Variants in EXOC4 observed in about 807,000 individuals in gnomAD.
The protein encoded by EXOC4 is SEC8-like 1.
Under a neutral mutation model 107.2 loss-of-function variants are expected in EXOC4, and 71 were observed. That is an observed-to-expected ratio of 0.66 (90% CI 0.55 to 0.81). EXOC4 has a LOEUF of 0.81. Among genes scored for constraint, EXOC4 ranks in the 30% least tolerant of loss-of-function variants. The probability of loss-of-function intolerance (pLI) is 0.00; values close to 1 mark genes in which losing one functional copy is unlikely to be tolerated. For synonymous variants in EXOC4, 456 were observed against 441.2 expected (o/e 1.03, Z -0.42); for missense variants, 1,108 against 1,189.6 (o/e 0.93, Z 1.01).
intron 10 of EXOC4, among the ~76,000 whole-genome samples, chr7:133,688,262 G>A (rs2014050): frequency 0.97 from 147,716 of 152,314 alleles, 71,793 homozygotes; most frequent in East Asian, 1. Flanking sequence ...GGCACACAGT[G>A]CATGGAATAG....
At chr7:133,913,754 A>G (rs1353794082) in intron 12 of EXOC4, among the ~76,000 whole-genome samples, 1 of 152,160 alleles carries the variant, frequency 6.6e-6, no homozygotes, top group Non-Finnish European at 1.5e-5. Flanking sequence ...GCAGACTGGA[A>G]ACTTAGAAGA....
intron 14 of EXOC4, among the ~76,000 whole-genome samples, chr7:133,990,711 C>T (rs888265964): frequency 2.0e-5 from 3 of 152,200 alleles, no homozygotes; most frequent in Admixed American, 1.3e-4. Context: ...ACCTCGGCCT[C>T]CTGAAGCGCT....
At chr7:133,784,189 T>C (rs1796523290) in intron 10 of EXOC4, among the ~76,000 whole-genome samples, 1 of 152,176 alleles carries the variant, frequency 6.6e-6, no homozygotes, top group African/African-American at 2.4e-5. Context: ...TATCATCATC[T>C]CTTACTAGGC....
intron 10 of EXOC4, among the ~76,000 whole-genome samples, chr7:133,671,513 G>A (rs1441752284): frequency 6.6e-6 from 1 of 152,164 alleles, no homozygotes; most frequent in Non-Finnish European, 1.5e-5. Flanking sequence ...GTTGCAGTGA[G>A]CCAAGTTCAC....
At chr7:133,979,092 A>T (rs1267455232) in intron 14 of EXOC4, among the ~76,000 whole-genome samples, 1 of 152,154 alleles carries the variant, frequency 6.6e-6, no homozygotes, top group Non-Finnish European at 1.5e-5. Flanking sequence ...TTCCAAAATA[A>T]TCCTGATTCA....
At chr7:133,406,848 T>G (rs1797232000) in intron 7 of EXOC4, among the ~76,000 whole-genome samples, 1 of 152,202 alleles carries the variant, frequency 6.6e-6, no homozygotes, top group African/African-American at 2.4e-5. Flanking sequence ...ATTACTATAG[T>G]CCTCCACTTG....
chr7:133,728,431 A>G (rs1040877902), intron 10 of EXOC4, among the ~76,000 whole-genome samples: 1 of 152,340 alleles, frequency 6.6e-6, no homozygotes, highest in East Asian at 1.9e-4. Flanking sequence ...ACTGTAGATA[A>G]CATTGAGAGT....
At chr7:133,942,913 A>G (rs1157903130) in intron 14 of EXOC4, among the ~76,000 whole-genome samples, 1 of 152,050 alleles carries the variant, frequency 6.6e-6, no homozygotes, top group East Asian at 1.9e-4. Context: ...GCCACTCTCT[A>G]TTTTTGTTTT....
At chr7:133,851,018 G>A (rs1367921625) in intron 11 of EXOC4, among the ~76,000 whole-genome samples, 1 of 152,038 alleles carries the variant, frequency 6.6e-6, no homozygotes, top group East Asian at 1.9e-4. Flanking sequence ...CTTTCCCCTG[G>A]AAAATGTCCA....
intron 6 of EXOC4, among the ~76,000 whole-genome samples, chr7:133,368,672 TC>T (rs1156585214): frequency 6.6e-6 from 1 of 152,200 alleles, no homozygotes; most frequent in East Asian, 1.9e-4. Context: ...AGTCCAGGTT[TC>T]TAACTGGTAT....
intron 14 of EXOC4, among the ~76,000 whole-genome samples, chr7:133,983,438 T>A (rs1024652126): frequency 6.6e-6 from 1 of 152,216 alleles, no homozygotes; most frequent in Non-Finnish European, 1.5e-5. Context: ...GAACTCCATA[T>A]GGGACTTCCA....
chr7:133,295,576 A>G lies in EXOC4; in HGVS notation c.471+6460A>G, dbSNP rs372468305. On this transcript the variant is annotated intron_variant, in intron 3 of 17. Transcript: ENST00000253861. Reference sequence around the variant, plus strand: ...AGTACTGGAAGATGTTTGTCGTCAGAACATTTTAGTGTTAGAAGAGTTGGT... The same window carrying G: ...AGTACTGGAAGATGTTTGTCGTCAGGACATTTTAGTGTTAGAAGAGTTGGT... Among the ~76,000 whole-genome samples the G allele has an allele frequency of 4.6e-5, 7 of 152,270 alleles. No individual in the cohort carries two copies. The East Asian group carries it at 1.2e-3, about 25-fold the overall frequency.
chr7:134,068,630 T>C (rs111857569), downstream of EXOC4, among the ~76,000 whole-genome samples: 4,570 of 152,262 alleles, frequency 0.03, 197 homozygotes, highest in African/African-American at 0.095. Context: ...TTACTTCTAT[T>C]ACATTACTAC....
chr7:133,298,193 T>C lies in EXOC4; in HGVS notation c.472-7684T>C, dbSNP rs535983966. On this transcript the variant is annotated intron_variant, in intron 3 of 17. Transcript: ENST00000253861. ...TAATTACTTGTGGTTGCCTAGCTCT[T>C]GAAATGAAAAACGCCATATTCCTCT... 3.3e-5 allele frequency among the ~76,000 whole-genome samples: 5 copies of C among 152,312 alleles called. No individual in the cohort carries two copies. The East Asian group carries it at 9.6e-4, about 29-fold the overall frequency.
chr7:133,324,858 G>C (rs1470111391), intron 5 of EXOC4, among the ~76,000 whole-genome samples: 1 of 152,146 alleles, frequency 6.6e-6, no homozygotes, highest in Non-Finnish European at 1.5e-5. Context: ...CCTCTTTGTA[G>C]GTCTCTAAGG....
At position 133,921,775 on chromosome 7, in the gene EXOC4, T is replaced by C. The variant is rs372440937; in HGVS notation, c.2027+4037T>C. Among the ~76,000 whole-genome samples the C allele has an allele frequency of 2.7e-4, 41 of 152,350 alleles. No individual in the cohort carries two copies. In the East Asian group the frequency reaches 6.7e-3, roughly 25 times the overall value. Reference sequence around the variant, plus strand: ...CAGTTACTATTGCTTCAAATATTTATTCTGTTGCTTTTTCTCTTTCTTCTC... The same window carrying C: ...CAGTTACTATTGCTTCAAATATTTACTCTGTTGCTTTTTCTCTTTCTTCTC... On this transcript the variant is annotated intron_variant, in intron 13 of 17. Transcript: ENST00000253861.
intron 10 of EXOC4, among the ~76,000 whole-genome samples, chr7:133,632,545 T>C (rs909140036): frequency 1.3e-5 from 2 of 152,178 alleles, no homozygotes; most frequent in Non-Finnish European, 2.9e-5. Flanking sequence ...TTTTTTTATT[T>C]GAGTTTTCAC....
At chr7:133,608,202 A>G (rs73726930) in intron 9 of EXOC4, among the ~76,000 whole-genome samples, 3,565 of 152,250 alleles carry the variant, frequency 0.023, 142 homozygotes, top group African/African-American at 0.081. Flanking sequence ...TAAATCGAAA[A>G]CAGCAATGGA....
chr7:133,738,701 A>T (rs977893180), intron 10 of EXOC4, among the ~76,000 whole-genome samples: 9 of 152,186 alleles, frequency 5.9e-5, no homozygotes, highest in Non-Finnish European at 1.0e-4. Flanking sequence ...TAATTATTAG[A>T]AATTATCTAA....
Sources: gnomAD v4.1 joint callset for allele counts (sites outside exome capture counted in the v4.1 genomes callset) on GRCh38, gnomAD v4.1.1 for gene constraint, MANE v1.5 for transcripts, NCBI Gene and HGNC (gene_info 2026-07-23, HGNC 2026-07-21) for gene names.